The following TBC1D16 variants were observed in gnomAD, a reference collection of about 807,000 sequenced individuals.
TBC1D16 encodes the protein TBC1 domain family member 16, also known as CTD-2529O21.1.
In TBC1D16, 58 loss-of-function variants were observed where a neutral mutation model predicts 74.7. That is an observed-to-expected ratio of 0.78 (90% CI 0.63 to 0.97). The LOEUF (loss-of-function observed/expected upper bound fraction) is 0.97, where lower values mean the gene tolerates loss of function less well. Among genes scored for constraint, TBC1D16 ranks in the 50% least tolerant of loss-of-function variants. The pLI, the probability that TBC1D16 is intolerant of heterozygous loss-of-function variation, is 0.00. For synonymous variants in TBC1D16, 493 were observed against 474.7 expected, an observed-to-expected ratio of 1.04 and a Z score of -0.50; for missense variants, 1,014 against 1,079.5, an observed-to-expected ratio of 0.94 and a Z score of 0.85.
At chr17:79,965,463 T>G (rs2033804288) in intron 3 of TBC1D16, among the ~76,000 whole-genome samples, 1 of 152,166 alleles carries the variant, frequency 6.6e-6, no homozygotes, top group African/African-American at 2.4e-5. Flanking sequence ...AAGAAAAAGG[T>G]GAGGCAAAAT....
At chr17:79,946,385 C>T (rs1598323071) in intron 9 of TBC1D16, among the ~76,000 whole-genome samples, 1 of 152,250 alleles carries the variant, frequency 6.6e-6, no homozygotes, top group African/African-American at 2.4e-5. Flanking sequence ...GCAGGTGGAG[C>T]TCAGGCGGGA....
intron 3 of TBC1D16, among the ~76,000 whole-genome samples, chr17:79,963,150 G>A (rs1598355074): frequency 1.3e-5 from 2 of 151,656 alleles, no homozygotes; most frequent in Middle Eastern, 6.9e-3. Flanking sequence ...CCAGGAGTTG[G>A]AGGTTGCTGT....
rs2033334705 is a variant in TBC1D16 at position 79,956,325 on chromosome 17, C to T, written c.780-3507G>A. Among the ~76,000 whole-genome samples the T allele has an allele frequency of 2.0e-5, 3 of 152,356 alleles. 1 individual carries two copies. In the South Asian group the frequency reaches 6.2e-4, roughly 32 times the overall value. ...CTGAAGTGCGGTGGTGCAAACACAA[C>T]TCACCGCAGCCTCAGCCTCCGGGGC... On this transcript the variant is annotated intron_variant, in intron 3 of 11. Coordinates refer to ENST00000310924, the MANE Select transcript of TBC1D16 (RefSeq NM_019020.4). The surrounding 1 kb of genome is among the most constrained non-coding windows in gnomAD (Gnocchi z 4.0).
At position 79,998,115 on chromosome 17, in the gene TBC1D16, A is replaced by G. The variant is rs564484872; in HGVS notation, c.779+12045T>C. Among the ~76,000 whole-genome samples, 559 of 148,126 alleles carry G rather than the reference A, an allele frequency of 3.8e-3. 6 individuals are homozygous for G. The highest frequency in any genetic ancestry group is 0.014 in the African/African-American group (537 of 38,970). On this transcript the variant is annotated intron_variant, in intron 3 of 11. Transcript: ENST00000310924. The stretch of plus-strand genomic sequence containing the variant: ...ACTTCAGCTTGGGCACAAAGAGCAA[A>G]ACTCTGTCTCAAAAAAAAAAAAAAA...
Position 79,933,474 on chromosome 17 carries a change from G to A in TBC1D16, c.*7385C>T, listed in dbSNP as rs1318497701. On this transcript the variant is annotated 3_prime_UTR_variant, in exon 12 of 12. Coordinates refer to ENST00000310924, the MANE Select transcript of TBC1D16 (RefSeq NM_019020.4). ...CCCTGCATCTTGCCTGGGGCCCCTTGTATCTCTGGCTCATGGCCTGTCCTG... is the reference window on the plus strand; with the variant it reads ...CCCTGCATCTTGCCTGGGGCCCCTTATATCTCTGGCTCATGGCCTGTCCTG... 1.3e-5 allele frequency: 2 copies of A among 152,262 alleles called. No homozygotes were observed. Among genetic ancestry groups the A allele is most frequent in the African/African-American group, 4.8e-5 (2 of 41,446 alleles). 9.4% of individuals were successfully genotyped at this position (152,262 alleles called of 1,614,324 possible). A position where few individuals can be genotyped will look rare whatever the true frequency, so the allele number is the denominator to read the frequency against.
At chr17:79,964,761 T>A (rs1447052954) in intron 3 of TBC1D16, among the ~76,000 whole-genome samples, 1 of 152,236 alleles carries the variant, frequency 6.6e-6, no homozygotes, top group African/African-American at 2.4e-5. Context: ...CACATTCATA[T>A]GATACAACGC....
intron 5 of TBC1D16, 107 bp downstream of exon 5, chr17:79,951,343 C>T: frequency 1.4e-6 from 2 of 1,385,510 alleles, no homozygotes; most frequent in Non-Finnish European, 2.0e-6. Context: ...ACCCCGTAAG[C>T]CCCCGGGGCC....
chr17:79,952,940 A>G, intron 3 of TBC1D16, 122 bp from the exon 4 acceptor site: 1 of 1,111,996 alleles, frequency 9.0e-7, no homozygotes, highest in Non-Finnish European at 1.3e-6. Context: ...ACATACAGGC[A>G]CGGCTGAATA....
chr17:79,949,266 C>A (rs1392175474), intron 7 of TBC1D16, among the ~76,000 whole-genome samples: 5 of 152,260 alleles, frequency 3.3e-5, no homozygotes. Flanking sequence ...GGTAATGAGG[C>A]CTTGGCCCTG....
chr17:79,996,327 G>A (rs2035271781), intron 3 of TBC1D16, among the ~76,000 whole-genome samples: 1 of 152,150 alleles, frequency 6.6e-6, no homozygotes, highest in African/African-American at 2.4e-5. Flanking sequence ...AAGAGACAAA[G>A]AGATCTTCCG....
Position 79,988,126 on chromosome 17 carries a change from G to C in TBC1D16, c.779+22034C>G, listed in dbSNP as rs117585849. Among the ~76,000 whole-genome samples the C allele has an allele frequency of 9.2e-5, 14 of 152,310 alleles. No individual in the cohort carries two copies. In the East Asian group the frequency reaches 2.1e-3, roughly 23 times the overall value. ...AGCGTGTGTGTGTTTAGAAGGGAGA[G>C]GGGGATGATAGCACGTCCTGCCAGA... On this transcript the variant is annotated intron_variant, in intron 3 of 11. Coordinates refer to ENST00000310924, the MANE Select transcript of TBC1D16 (RefSeq NM_019020.4). The surrounding 1 kb of genome is among the most constrained non-coding windows in gnomAD (Gnocchi z 5.7).
At chr17:80,034,848 C>T (rs1274265291) in intron 1 of TBC1D16, among the ~76,000 whole-genome samples, 1 of 152,214 alleles carries the variant, frequency 6.6e-6, no homozygotes. Context: ...AATATGCCGC[C>T]TCACGTGAGC....
intron 3 of TBC1D16, among the ~76,000 whole-genome samples, chr17:79,998,692 A>G (rs1242371070): frequency 2.6e-5 from 4 of 151,684 alleles, no homozygotes; most frequent in Non-Finnish European, 5.9e-5. Context: ...CATCCTCCAC[A>G]TCTGCTCAAG....
chr17:79,970,303 A>G (rs1215349016), intron 3 of TBC1D16, among the ~76,000 whole-genome samples: 3 of 152,092 alleles, frequency 2.0e-5, no homozygotes, highest in Admixed American at 1.3e-4. Flanking sequence ...TGTGACTGCT[A>G]GAGTATGAGG....
At chr17:80,033,738 G>C (rs2036850341) in intron 1 of TBC1D16, among the ~76,000 whole-genome samples, 1 of 152,188 alleles carries the variant, frequency 6.6e-6, no homozygotes, top group Non-Finnish European at 1.5e-5. Context: ...CAAAACTGTG[G>C]ACAGAGACCA....
In TBC1D16 at chr17:79,984,617, G is replaced by A. The variant is rs1425858056; in HGVS notation, c.779+25543C>T. On this transcript the variant is annotated intron_variant, in intron 3 of 11. Transcript: ENST00000310924. ...AAGAGAAAGAAAAGAGGGAGGGAGG[G>A]AGTGAAGGAAGGAAGGAAGGAAGGA... Among the ~76,000 whole-genome samples the A allele has an allele frequency of 7.6e-5, 7 of 92,184 alleles. 1 individual carries two copies. Among genetic ancestry groups the A allele is most frequent in the Non-Finnish European group, 1.4e-4 (6 of 42,484 alleles). The allele number at this position is 92,184 out of a possible 152,430, so 60.5% of individuals were successfully genotyped here.
intron 4 of TBC1D16, 58 bp downstream of exon 4, chr17:79,952,599 C>T: frequency 6.5e-7 from 1 of 1,539,430 alleles, no homozygotes; most frequent in South Asian, 1.2e-5. Context: ...AAAGCCCAGG[C>T]TGCCAGGGAA....
At chr17:79,951,738 G>A (rs1052955623) in intron 4 of TBC1D16, 141 bp from the exon 5 acceptor site, 22 of 1,032,948 alleles carry the variant, frequency 2.1e-5, no homozygotes, top group South Asian at 1.6e-4. Flanking sequence ...GGCTGCTAGC[G>A]GGAGGGGACA....
intron 3 of TBC1D16, among the ~76,000 whole-genome samples, chr17:79,959,987 A>G (rs2033521358): frequency 6.6e-6 from 1 of 152,184 alleles, no homozygotes; most frequent in Admixed American, 6.5e-5. Flanking sequence ...CAGAGTATGT[A>G]TAAGAAACTG....
Sources: allele counts gnomAD v4.1 joint callset (sites outside exome capture counted in the v4.1 genomes callset), GRCh38; gene constraint gnomAD v4.1.1; non-coding constraint Gnocchi (gnomAD v3.1); transcripts MANE v1.5; gene names NCBI Gene and HGNC (gene_info 2026-07-23, HGNC 2026-07-21).